KLHL29: variants seen among roughly 807,000 people sequenced by gnomAD.
KLHL29 encodes the protein kelch like family member 29, also known as kelch-like protein 29.
KLHL29 carries 21 observed loss-of-function variants against 80.4 expected under a neutral mutation model. The observed-to-expected ratio is 0.26, with a 90% CI of 0.19 to 0.38. The LOEUF (loss-of-function observed/expected upper bound fraction) is 0.38, where lower values mean the gene tolerates loss of function less well. Among genes scored for constraint, KLHL29 ranks in the 10% least tolerant of loss-of-function variants. KLHL29 has a pLI of 1.00. For synonymous variants in KLHL29, 511 were observed against 526.8 expected (o/e 0.97, Z 0.41); for missense variants, 867 against 1,223.9 (o/e 0.71, Z 4.35).
At chr2:23,436,694 A>G (rs1048552782) in intron 1 of KLHL29, among the ~76,000 whole-genome samples, 3 of 152,198 alleles carry the variant, frequency 2.0e-5, no homozygotes, top group Non-Finnish European at 4.4e-5. Flanking sequence ...TTGAAAATGC[A>G]TTGGAGATGC....
intron 1 of KLHL29, among the ~76,000 whole-genome samples, chr2:23,469,918 T>C (rs560517458): frequency 6.6e-6 from 1 of 150,640 alleles, no homozygotes; most frequent in East Asian, 2.0e-4. Context: ...TATTAACTGG[T>C]AGAGTGAGGG....
intron 1 of KLHL29, among the ~76,000 whole-genome samples, chr2:23,432,557 T>C (rs1040100720): frequency 1.3e-5 from 2 of 152,248 alleles, no homozygotes; most frequent in Non-Finnish European, 2.9e-5. Flanking sequence ...GTAATACACA[T>C]GTAGATTTAA....
intron 5 of KLHL29, among the ~76,000 whole-genome samples, chr2:23,654,126 C>T (rs1010639578): frequency 6.6e-6 from 1 of 151,990 alleles, no homozygotes; most frequent in African/African-American, 2.4e-5. Context: ...AAGATCGCAC[C>T]ACTGCACTCT....
chr2:23,507,871 A>G (rs1354975372), intron 2 of KLHL29, among the ~76,000 whole-genome samples: 2 of 152,236 alleles, frequency 1.3e-5, no homozygotes, highest in East Asian at 1.9e-4. Flanking sequence ...CTGATCTTCC[A>G]TGGCTCTATA....
chr2:23,428,178 C>T (rs925516982), intron 1 of KLHL29, among the ~76,000 whole-genome samples: 3 of 152,202 alleles, frequency 2.0e-5, no homozygotes, highest in Admixed American at 6.5e-5. Flanking sequence ...AGAGTTTGGA[C>T]CGTGTCCGCA....
intron 2 of KLHL29, among the ~76,000 whole-genome samples, chr2:23,504,214 T>A (rs1452753657): frequency 6.6e-6 from 1 of 152,114 alleles, no homozygotes; most frequent in Non-Finnish European, 1.5e-5. Context: ...GCAAAAAAAA[T>A]TATTAGAATT....
At chr2:23,591,206 C>A (rs559374215) in intron 3 of KLHL29, among the ~76,000 whole-genome samples, 3 of 152,284 alleles carry the variant, frequency 2.0e-5, no homozygotes, top group African/African-American at 7.2e-5. Flanking sequence ...AAAGGAGCAA[C>A]GGCCCTGAGG....
intron 1 of KLHL29, among the ~76,000 whole-genome samples, chr2:23,426,221 C>T (rs1271396854): frequency 6.6e-6 from 1 of 152,206 alleles, no homozygotes; most frequent in African/African-American, 2.4e-5. Context: ...TGTACTCAGG[C>T]TCTGCAGGTG....
At chr2:23,656,170 C>T (rs1265175001) in intron 5 of KLHL29, among the ~76,000 whole-genome samples, 24 of 152,316 alleles carry the variant, frequency 1.6e-4, no homozygotes, top group South Asian at 2.1e-4. Context: ...AAGTCAGCGT[C>T]GACTTCAGGG....
At chr2:23,606,138 T>A (rs12470568) in intron 3 of KLHL29, among the ~76,000 whole-genome samples, 5 of 144,052 alleles carry the variant, frequency 3.5e-5, no homozygotes, top group African/African-American at 1.3e-4. Flanking sequence ...TTCCGTGAGC[T>A]AGTGTGTGTG....
At chr2:23,578,976 T>C (rs555794083) in intron 3 of KLHL29, among the ~76,000 whole-genome samples, 15 of 152,260 alleles carry the variant, frequency 9.9e-5, no homozygotes, top group African/African-American at 3.4e-4. Flanking sequence ...CTCCATGAAA[T>C]GGGAAATCAT....
At chr2:23,478,558 G>A (rs1050641741) in intron 2 of KLHL29, among the ~76,000 whole-genome samples, 1 of 152,210 alleles carries the variant, frequency 6.6e-6, no homozygotes. Context: ...CAGCTAGGAG[G>A]AGTGAAATCT....
intron 2 of KLHL29, among the ~76,000 whole-genome samples, chr2:23,525,618 C>G (rs1666280756): frequency 1.3e-5 from 2 of 152,160 alleles, no homozygotes. Context: ...GACCCCCGTC[C>G]TGAGCTTGGC....
chr2:23,451,244 C>T (rs961336868), intron 1 of KLHL29, among the ~76,000 whole-genome samples: 4 of 152,136 alleles, frequency 2.6e-5, no homozygotes, highest in African/African-American at 7.2e-5. Flanking sequence ...TTCCAGTGAT[C>T]ACTCCCATAG....
intron 3 of KLHL29, among the ~76,000 whole-genome samples, chr2:23,631,183 G>A (rs963440996): frequency 6.6e-6 from 1 of 152,036 alleles, no homozygotes; most frequent in African/African-American, 2.4e-5. Flanking sequence ...TCTCTCGCTC[G>A]CTATTCAGCC....
chr2:23,444,570 C>T (rs1663620983), intron 1 of KLHL29, among the ~76,000 whole-genome samples: 2 of 152,162 alleles, frequency 1.3e-5, no homozygotes. Flanking sequence ...AGGTGATTCA[C>T]CCTCCTCAGC....
At position 23,695,991 on chromosome 2, in the gene KLHL29, G is replaced by A. The variant is rs1382795032; in HGVS notation, c.1782G>A (p.Met594Ile). 6.4e-7 allele frequency: 1 copy of A among 1,551,566 alleles called. No individual in the cohort carries two copies. The highest frequency in any genetic ancestry group is 2.4e-5 in the East Asian group (1 of 40,940). ...EVIVLVGGRQ[M>I]VGMTQRSLVA... ...TCGTCTTGGTTGGGGGCCGTCAGAT[G>A]GTGGGGATGACCCAGCGCTCGCTGG... The change falls in exon 10 of 14, where the codon ATG (methionine) becomes ATA (isoleucine). Residue 594 changes from methionine (M) to isoleucine (I), a missense_variant. This residue lies in a region of KLHL29 where 443 missense variants were observed against 767.0 expected (regional missense o/e 0.58). Coordinates refer to ENST00000486442, the MANE Select transcript of KLHL29 (RefSeq NM_052920.2). The surrounding 1 kb of genome is among the most constrained non-coding windows in gnomAD (Gnocchi z 7.6).
chr2:23,436,725 G>T (rs2103412019), intron 1 of KLHL29, among the ~76,000 whole-genome samples: 1 of 152,334 alleles, frequency 6.6e-6, no homozygotes, highest in South Asian at 2.1e-4. Flanking sequence ...CCGCAGCCGT[G>T]GAGAAAATGA....
intron 3 of KLHL29, among the ~76,000 whole-genome samples, chr2:23,635,154 G>T (rs1669575799): frequency 6.6e-6 from 1 of 152,208 alleles, no homozygotes; most frequent in Non-Finnish European, 1.5e-5. Context: ...TAGAAAAAGG[G>T]GTTTCCTCTG....
Sources: gnomAD v4.1 joint callset for allele counts (sites outside exome capture counted in the v4.1 genomes callset) on GRCh38, gnomAD v4.1.1 for gene constraint, gnomAD v4.1.1 regional missense constraint, Gnocchi (gnomAD v3.1) non-coding constraint, MANE v1.5 for transcripts, NCBI Gene and HGNC (gene_info 2026-07-23, HGNC 2026-07-21) for gene names.